TUBGCP6: variants seen among roughly 807,000 people sequenced by gnomAD.
TUBGCP6 encodes gamma-tubulin complex component 6.
Under a neutral mutation model 175.8 loss-of-function variants are expected in TUBGCP6, and 161 were observed. The ratio of observed to expected loss-of-function variants is 0.92; its 90% CI spans 0.81 to 1.04. The LOEUF is 1.04. TUBGCP6 is among the 50% of genes least tolerant of loss of function. The probability of loss-of-function intolerance (pLI) is 0.00; values close to 1 mark genes in which losing one functional copy is unlikely to be tolerated. For missense variants in TUBGCP6, 2,572 were observed against 2,433.0 expected, an observed-to-expected ratio of 1.06 and a Z score of -1.20; for synonymous variants, 1,173 against 1,030.5, an observed-to-expected ratio of 1.14 and a Z score of -2.65.
chr22:50,235,002 CT>C (rs1420475503), intron 2 of TUBGCP6, among the ~76,000 whole-genome samples: 2 of 149,298 alleles, frequency 1.3e-5, no homozygotes, highest in African/African-American at 2.5e-5. Context: ...ATCCACACCC[CT>C]ATCCACGGCA....
At chr22:50,222,416 C>T (rs2064543051) in intron 14 of TUBGCP6, 38 bp downstream of exon 14, 1 of 1,610,574 alleles carries the variant, frequency 6.2e-7, no homozygotes, top group African/African-American at 1.3e-5. Flanking sequence ...ACCCCCAAAG[C>T]CCAGGGGAAG....
rs1569129367 is a variant in TUBGCP6, at chr22:50,243,728, C to T, written c.732G>A (p.Leu244=). Residue 244 remains leucine, a synonymous_variant, in exon 1 of 25, where the codon CTG becomes CTA. Coordinates refer to ENST00000248846, the MANE Select transcript of TUBGCP6 (RefSeq NM_020461.4). ...PVPDNADLSG[L]AIKVPPSVDQ... The stretch of plus-strand genomic sequence containing the variant: ...AAACTAAACATTCTACCTTAATAGC[C>T]AGCCCAGAGAGGTCCGCATTGTCTG... 1.2e-6 allele frequency: 2 copies of T among 1,608,704 alleles called. No individual in the cohort carries two copies. The highest frequency in any genetic ancestry group is 2.2e-5 in the South Asian group (2 of 90,800).
At position 50,221,800 on chromosome 22, in the gene TUBGCP6, A is replaced by T; in HGVS notation, c.2559T>A (p.Pro853=). The T allele has an allele frequency of 6.6e-7, 1 of 1,510,936 alleles. No individual in the cohort carries two copies. The highest frequency in any genetic ancestry group is 8.9e-7 in the Non-Finnish European group (1 of 1,129,610). The allele number at this position is 1,510,936 out of a possible 1,614,324, so 93.6% of individuals were successfully genotyped here. The part of the protein sequence containing the change: ...CDSGSAEQHS[P]AWDGWNRPGL... ...CTGGCCTGTTCCAGCCATCCCAGGC[A>T]GGCGAGTGTTGCTCTGCAGACCCAG... The change falls in exon 16 of 25, where the codon CCT becomes CCA. Residue 853 remains proline, a synonymous_variant. Coordinates refer to ENST00000248846, the MANE Select transcript of TUBGCP6 (RefSeq NM_020461.4).
Position 50,220,035 on chromosome 22 carries a change from C to T in TUBGCP6, c.4109-20G>A. The T allele has an allele frequency of 6.2e-7, 1 of 1,612,404 alleles. No homozygotes were observed. The highest frequency in any genetic ancestry group is 8.5e-7 in the Non-Finnish European group (1 of 1,179,122). The stretch of plus-strand genomic sequence containing the variant: ...CAGGGCCTGTGTGGACACAAGTGGA[C>T]ACGAGGGCATCAGGGCCGAGTGCCT... On this transcript the variant is annotated intron_variant, in intron 16 of 24. Coordinates refer to ENST00000248846, the MANE Select transcript of TUBGCP6 (RefSeq NM_020461.4).
At chr22:50,222,618 C>A (rs543614646) in intron 13 of TUBGCP6, 26 bp from the exon 14 acceptor site, 1 of 1,604,822 alleles carries the variant, frequency 6.2e-7, no homozygotes, top group South Asian at 1.1e-5. Flanking sequence ...AGAGAGGACA[C>A]GGCCACAAGA....
chr22:50,222,760 G>A (rs1283636608), intron 13 of TUBGCP6, among the ~76,000 whole-genome samples, 168 bp from the exon 14 acceptor site: 3 of 152,222 alleles, frequency 2.0e-5, no homozygotes, highest in Non-Finnish European at 2.9e-5. Context: ...CACCTACAGG[G>A]CAGCACCAGG....
Position 50,227,988 on chromosome 22 carries a change from C to T in TUBGCP6, c.1331G>A (p.Arg444Gln), listed in dbSNP as rs918563649. The change falls in exon 5 of 25, where the codon CGG becomes CAG. Residue 444 changes from arginine to glutamine, a missense_variant. By Grantham distance (43) the Arg-to-Gln change is conservative. Transcript: ENST00000248846. ...GGGCGGAGTGGAAAGGACGCAGGCC[C>T]GGTAATACTGCAGGTACCTCCTCAG... ...SGLRRYLQYY[R>Q]ACVLSTPPTL... 18 of 1,570,006 alleles carry T rather than the reference C, an allele frequency of 1.1e-5. No homozygotes were observed. The highest frequency in any genetic ancestry group is 2.7e-5 in the African/African-American group (2 of 74,486).
At chr22:50,233,790 T>C (rs1318960636) in intron 2 of TUBGCP6, among the ~76,000 whole-genome samples, 1 of 152,102 alleles carries the variant, frequency 6.6e-6, no homozygotes, top group Non-Finnish European at 1.5e-5. Flanking sequence ...GTCCTGGGCA[T>C]GGCCGGGGGT....
In TUBGCP6 at chr22:50,218,606, G is replaced by A; in HGVS notation, c.4836C>T (p.Leu1612=). The change falls in exon 22 of 25, where the codon CTC becomes CTT. Residue 1612 remains leucine, a synonymous_variant. Coordinates refer to ENST00000248846, the MANE Select transcript of TUBGCP6 (RefSeq NM_020461.4). ...CGCAGCCCTCGGTGATGACAATGTTGAGAGGCCAGTCCACCTGCCAGGAGG... is the reference window on the plus strand; with the variant it reads ...CGCAGCCCTCGGTGATGACAATGTTAAGAGGCCAGTCCACCTGCCAGGAGG... The part of the protein sequence containing the change: ...LELRYKVDWP[L]NIVITEGCVS... 6.2e-7 allele frequency: 1 copy of A among 1,613,662 alleles called. No homozygotes were observed. The highest frequency in any genetic ancestry group is 8.5e-7 in the Non-Finnish European group (1 of 1,179,824).
Position 50,220,089 on chromosome 22 carries a change from G to A in TUBGCP6, c.4109-74C>T, listed in dbSNP as rs1602506981. On this transcript the variant is annotated intron_variant, in intron 16 of 24. Coordinates refer to ENST00000248846, the MANE Select transcript of TUBGCP6 (RefSeq NM_020461.4). ...GCGGGTACAGAGCCGAGCCGGCCCT[G>A]GCTCAAGCAGCCCCTCCCATGTCCC... is the stretch of plus-strand genomic sequence containing the variant. 7.7e-6 allele frequency: 12 copies of A among 1,562,522 alleles called. No homozygotes were observed. In the East Asian group the frequency reaches 2.9e-4, roughly 37 times the overall value.
At position 50,227,039 on chromosome 22, in the gene TUBGCP6, G is replaced by T; in HGVS notation, c.1451C>A (p.Pro484Gln). Residue 484 changes from proline (P) to glutamine (Q), a missense_variant, in exon 6 of 25, where the codon CCG (proline) becomes CAG (glutamine). Coordinates refer to ENST00000248846, the MANE Select transcript of TUBGCP6 (RefSeq NM_020461.4). ...AELCGVGAVLPGTCGGGPRAA... is the reference protein window; with the variant it reads ...AELCGVGAVLQGTCGGGPRAA... ...CCTGGGGCCTCCTCCACAGGTGCCC[G>T]GGAGCACAGCGCCAACGCCACAGAG... is the stretch of plus-strand genomic sequence containing the variant. 6.2e-7 allele frequency: 1 copy of T among 1,612,506 alleles called. No homozygotes were observed. Among genetic ancestry groups the T allele is most frequent in the East Asian group, 2.2e-5 (1 of 44,842 alleles).
At chr22:50,219,925 G>A in intron 17 of TUBGCP6, 32 bp downstream of exon 17, 1 of 1,613,444 alleles carries the variant, frequency 6.2e-7, no homozygotes, top group Non-Finnish European at 8.5e-7. Context: ...CTCCCTGCCT[G>A]CTGTGGGACC....
Position 50,244,381 on chromosome 22 carries a change from T to C in TUBGCP6, c.79A>G (p.Ser27Gly), listed in dbSNP as rs1488051290. The change falls in exon 1 of 25, where the codon AGT becomes GGT. Residue 27 changes from serine (S) to glycine (G), a missense_variant. By Grantham distance (56) the Ser-to-Gly change is moderately conservative. Transcript: ENST00000248846. ...PAAKTHLGQR[S>G]VNRKRAKRSL... ...CGCTTTGCCCTCTTCCGGTTCACAC[T>C]GCGCTGGCCCAGGTGAGTCTTGGCA... The C allele has an allele frequency of 6.2e-7, 1 of 1,613,238 alleles. No individual in the cohort carries two copies. Among genetic ancestry groups the C allele is most frequent in the African/African-American group, 1.3e-5 (1 of 74,952 alleles).
chr22:50,243,382 G>A (rs866909837), intron 1 of TUBGCP6, among the ~76,000 whole-genome samples: 2 of 151,490 alleles, frequency 1.3e-5, no homozygotes, highest in African/African-American at 2.4e-5. Context: ...GACCCCGGGA[G>A]GCGGCGGTTA....
chr22:50,217,762 A>C lies in TUBGCP6; in HGVS notation c.5434T>G (p.Phe1812Val), dbSNP rs754181880. Residue 1812 changes from phenylalanine (F) to valine (V), a missense_variant, in exon 25 of 25, where the codon TTC (phenylalanine) becomes GTC (valine). Transcript: ENST00000248846. ...CAGGCGTCCTGGTAGTAGTTGTTGA[A>C]GTTGATGCGCAGCAGAAAGTCCTCC... ...HLEDFLLRIN[F>V]NNYYQDA 2 of 1,613,950 alleles carry C rather than the reference A, an allele frequency of 1.2e-6. No homozygotes were observed. The highest frequency in any genetic ancestry group is 1.7e-6 in the Non-Finnish European group (2 of 1,179,966).
chr22:50,225,693 C>T, intron 10 of TUBGCP6, 101 bp downstream of exon 10: 1 of 1,441,430 alleles, frequency 6.9e-7, no homozygotes. Context: ...AGAAGGGAGG[C>T]CCCCATCTTG....
intron 2 of TUBGCP6, among the ~76,000 whole-genome samples, chr22:50,234,962 A>G (rs1212478120): frequency 2.0e-5 from 3 of 148,764 alleles, no homozygotes; most frequent in Non-Finnish European, 3.0e-5. Context: ...CGTCCATGGC[A>G]GCATCCACAC....
intron 4 of TUBGCP6, among the ~76,000 whole-genome samples, chr22:50,228,325 GGGGCGCCCACCACCAACCC>G (rs1371946898): frequency 4.3e-5 from 6 of 139,470 alleles, no homozygotes; most frequent in Non-Finnish European, 9.8e-5. Flanking sequence ...AGCTGCCCCA[GGGGCGCCCACCACCAACCC>G]TTCCTCTCAT....
In TUBGCP6 at chr22:50,224,570, T is replaced by G; in HGVS notation, c.2006A>C (p.Lys669Thr). The G allele has an allele frequency of 6.2e-7, 1 of 1,614,064 alleles. No homozygotes were observed. Among genetic ancestry groups the G allele is most frequent in the Non-Finnish European group, 8.5e-7 (1 of 1,180,012 alleles). The change falls in exon 11 of 25, where the codon AAA (lysine) becomes ACA (threonine). Residue 669 changes from lysine to threonine, a missense_variant. Physicochemically the swap from Lys to Thr is moderately conservative, Grantham distance 78. Coordinates refer to ENST00000248846, the MANE Select transcript of TUBGCP6 (RefSeq NM_020461.4). ...EEKELRMEIA[K>T]QELIAHAREA... ...CCGGGCATGAGCGATTAATTCTTGT[T>G]TTGCAATTTCCATACGTAATTCCTG...
Sources: gnomAD v4.1 joint callset for allele counts (sites outside exome capture counted in the v4.1 genomes callset) on GRCh38, gnomAD v4.1.1 for gene constraint, MANE v1.5 for transcripts, NCBI Gene and HGNC (gene_info 2026-07-23, HGNC 2026-07-21) for gene names.